RSPH3: variants seen among roughly 807,000 people sequenced by gnomAD.
RSPH3 encodes radial spoke head 3, also known as radial spoke head protein 3 homolog.
In RSPH3, 21 loss-of-function variants were observed where a neutral mutation model predicts 43.8. That is an observed-to-expected ratio of 0.48 (90% confidence interval 0.34 to 0.69). The LOEUF (loss-of-function observed/expected upper bound fraction) is 0.69, where lower values mean the gene tolerates loss of function less well. RSPH3 is among the 30% of genes least tolerant of loss of function. The probability of loss-of-function intolerance (pLI) is 0.01; values close to 1 mark genes in which losing one functional copy is unlikely to be tolerated. For missense variants in RSPH3, 487 were observed against 516.0 expected, an observed-to-expected ratio of 0.94 and a Z score of 0.54; for synonymous variants, 173 against 179.8, an observed-to-expected ratio of 0.96 and a Z score of 0.30.
intron 2 of RSPH3, among the ~76,000 whole-genome samples, chr6:158,992,551 C>T (rs1211105564): frequency 6.6e-5 from 10 of 151,522 alleles, no homozygotes. Flanking sequence ...ACCTTGGCCT[C>T]CCAAACTGCT....
chr6:158,985,587 T>C (rs1328217438), intron 3 of RSPH3, among the ~76,000 whole-genome samples: 4 of 152,112 alleles, frequency 2.6e-5, no homozygotes, highest in African/African-American at 9.7e-5. Flanking sequence ...TGCACCACTA[T>C]GCTCAACCAA....
In RSPH3 at chr6:158,977,393, C is replaced by T. The variant is rs919640448; in HGVS notation, c.*145G>A. 4 of 641,814 alleles carry T rather than the reference C, an allele frequency of 6.2e-6. No homozygotes were observed. Among genetic ancestry groups the T allele is most frequent in the Non-Finnish European group, 8.0e-6 (3 of 376,088 alleles). 39.8% of individuals were successfully genotyped at this position (641,814 alleles called of 1,614,324 possible). A position where few individuals can be genotyped will look rare whatever the true frequency, so the allele number is the denominator to read the frequency against. Reference sequence around the variant, plus strand: ...TTTCATTCTCAAATTAATTTTATCACATTTGATTGGCCCAGTCCATTACAC... The same window carrying T: ...TTTCATTCTCAAATTAATTTTATCATATTTGATTGGCCCAGTCCATTACAC... On this transcript the variant is annotated 3_prime_UTR_variant, in exon 8 of 8. Coordinates refer to ENST00000367069, the MANE Select transcript of RSPH3 (RefSeq NM_031924.8).
chr6:158,988,553 T>C (rs920458472), intron 2 of RSPH3, among the ~76,000 whole-genome samples: 1 of 152,182 alleles, frequency 6.6e-6, no homozygotes, highest in Non-Finnish European at 1.5e-5. Flanking sequence ...TTCTATATCT[T>C]ATAAGCAGTC....
At chr6:158,998,339 G>T (rs1182567019) in intron 1 of RSPH3, among the ~76,000 whole-genome samples, 3 of 148,786 alleles carry the variant, frequency 2.0e-5, no homozygotes, top group Non-Finnish European at 4.5e-5. Context: ...CGTGGTGGCG[G>T]GCGCCTGTAG....
At chr6:158,967,674 G>A in the RSPH3 span, among the ~76,000 whole-genome samples, 31 of 152,032 alleles carry the variant, frequency 2.0e-4, no homozygotes, top group Non-Finnish European at 2.2e-4. Context: ...ATTGAAAGTG[G>A]GGTTTTGAAA....
At chr6:158,993,395 C>A (rs151094029) in intron 2 of RSPH3, among the ~76,000 whole-genome samples, 1 of 147,702 alleles carries the variant, frequency 6.8e-6, no homozygotes, top group African/African-American at 2.5e-5. Flanking sequence ...GGATTACAGG[C>A]GTGAGCCACC....
chr6:158,980,858 CA>C lies in RSPH3; in HGVS notation c.774del (p.Phe258LeufsTer33), dbSNP rs1583704719. The C allele has an allele frequency of 3.1e-6, 5 of 1,614,142 alleles. No homozygotes were observed. The highest frequency in any genetic ancestry group is 4.2e-6 in the Non-Finnish European group (5 of 1,180,006). ...AGAAGGTCAGCCAGGTAACGCTGTG[CA>C]AATGCTCGGGCGGCGATTTTTTGTG... ...ETSQKIAARAFAQRYLADLLP... is the reference protein window; with the variant it reads ...ETSQKIAARAXAQRYLADLLP... On this transcript the variant is annotated frameshift_variant, in exon 6 of 8. Transcript: ENST00000367069. LOFTEE classifies it high-confidence loss of function.
At chr6:158,998,771 G>A (rs895728249) in intron 1 of RSPH3, among the ~76,000 whole-genome samples, 1 of 145,632 alleles carries the variant, frequency 6.9e-6, no homozygotes, top group Admixed American at 7.4e-5. Context: ...CAGGAGAATC[G>A]TTTGATCGGG....
downstream of RSPH3, among the ~76,000 whole-genome samples, chr6:158,968,408 G>A (rs774558644): frequency 1.5e-4 from 23 of 151,602 alleles, no homozygotes; most frequent in Admixed American, 2.6e-4. Context: ...CTAATTTTGC[G>A]TATTTTTAAT....
chr6:158,981,948 A>G (rs554564200), intron 5 of RSPH3, among the ~76,000 whole-genome samples: 1 of 152,264 alleles, frequency 6.6e-6, no homozygotes, highest in Admixed American at 6.5e-5. Context: ...ACCTTTCCTT[A>G]TTGAAGATTC....
the RSPH3 span, among the ~76,000 whole-genome samples, chr6:158,967,543 G>A: frequency 2.0e-4 from 31 of 152,258 alleles, no homozygotes; most frequent in African/African-American, 7.5e-4. Context: ...TGTTCCATGT[G>A]CACTTGAGAA....
chr6:158,980,903 G>A lies in RSPH3; in HGVS notation c.730C>T (p.His244Tyr). The change falls in exon 6 of 8, where the codon CAC (histidine) becomes TAC (tyrosine). Residue 244 changes from histidine (H) to tyrosine (Y), a missense_variant. By Grantham distance (83) the His-to-Tyr change is moderately conservative. Transcript: ENST00000367069. ...RRKKQQWEIM[H>Y]KHNETSQKIA... The stretch of plus-strand genomic sequence containing the variant: ...TTTTGTGATGTCTCGTTGTGCTTGT[G>A]CATTATTTCCCACTGCTGTTTCTTA... The A allele has an allele frequency of 6.2e-7, 1 of 1,614,092 alleles. No individual in the cohort carries two copies. The highest frequency in any genetic ancestry group is 1.7e-5 in the Admixed American group (1 of 60,012).
At chr6:158,969,476 T>C (rs1777669808), downstream of RSPH3, among the ~76,000 whole-genome samples, 2 of 152,238 alleles carry the variant, frequency 1.3e-5, no homozygotes, top group Admixed American at 1.3e-4. Context: ...GAGTAGCATA[T>C]GTCTAATTGT....
chr6:158,975,862 C>G lies in RSPH3; in HGVS notation c.*1676G>C, dbSNP rs577222816. 5.9e-5 allele frequency: 9 copies of G among 152,204 alleles called. No homozygotes were observed. Among genetic ancestry groups the G allele is most frequent in the African/African-American group, 1.9e-4 (8 of 41,538 alleles). The allele number at this position is 152,204 out of a possible 1,614,324, so 9.4% of individuals were successfully genotyped here. On this transcript the variant is annotated 3_prime_UTR_variant, in exon 8 of 8. Transcript: ENST00000367069. ...AATTATAAGTTATTTTAAATCACTA[C>G]GTTTATATATGTGTAAGTATTTTGC...
rs1777899910 is a variant in RSPH3, at chr6:158,977,805, C to T, written c.990G>A (p.Glu330=). 1.2e-6 allele frequency: 2 copies of T among 1,613,990 alleles called. No homozygotes were observed. The highest frequency in any genetic ancestry group is 1.3e-5 in the African/African-American group (1 of 74,932). ...GAGACTGATGTGTGTCTTCCCCATGCTCATACATACACAGCCTCTTTTCAA... is the reference window on the plus strand; with the variant it reads ...GAGACTGATGTGTGTCTTCCCCATGTTCATACATACACAGCCTCTTTTCAA... ...EVVEKRLCMY[E]HGEDTHQSPE... The change falls in exon 8 of 8, where the codon GAG becomes GAA. Residue 330 remains glutamate (E), a synonymous_variant. Coordinates refer to ENST00000367069, the MANE Select transcript of RSPH3 (RefSeq NM_031924.8).
chr6:158,991,301 G>A (rs1384882449), intron 2 of RSPH3, among the ~76,000 whole-genome samples: 1 of 152,082 alleles, frequency 6.6e-6, no homozygotes, highest in African/African-American at 2.4e-5. Flanking sequence ...GCTATTTTGG[G>A]TATTATATTT....
chr6:158,996,326 A>G (rs1487335352), intron 1 of RSPH3, among the ~76,000 whole-genome samples: 1 of 152,258 alleles, frequency 6.6e-6, no homozygotes, highest in Non-Finnish European at 1.5e-5. Flanking sequence ...CAAGAAATAC[A>G]TAAAAGATGT....
At chr6:158,980,358 G>A (rs1020943661) in intron 6 of RSPH3, among the ~76,000 whole-genome samples, 1 of 152,076 alleles carries the variant, frequency 6.6e-6, no homozygotes, top group Admixed American at 6.5e-5. Context: ...GAACCCAGGA[G>A]GCGGAGGTTG....
intron 1 of RSPH3, 114 bp from the exon 2 acceptor site, chr6:158,994,040 C>T: frequency 1.7e-6 from 1 of 589,632 alleles, no homozygotes; most frequent in Non-Finnish European, 2.9e-6. Flanking sequence ...AAATAAATTT[C>T]TGTTTTAGTG....
Sources: gnomAD v4.1 joint callset for allele counts (sites outside exome capture counted in the v4.1 genomes callset) on GRCh38, gnomAD v4.1.1 for gene constraint, MANE v1.5 for transcripts, NCBI Gene and HGNC (gene_info 2026-07-23, HGNC 2026-07-21) for gene names.